Variants in KMT2C observed in about 807,000 individuals in gnomAD.
KMT2C encodes histone-lysine N-methyltransferase 2C.
Under a neutral mutation model 507.9 loss-of-function variants are expected in KMT2C, and 88 were observed. That is an observed-to-expected ratio of 0.17 (90% CI 0.15 to 0.21). The LOEUF is 0.21. KMT2C is among the 10% of genes least tolerant of loss of function. The pLI, the probability that KMT2C is intolerant of heterozygous loss-of-function variation, is 1.00. For synonymous variants in KMT2C, 2,049 were observed against 2,080.8 expected, an observed-to-expected ratio of 0.98 and a Z score of 0.42; for missense variants, 4,954 against 5,957.8, an observed-to-expected ratio of 0.83 and a Z score of 5.55.
At chr7:152,367,646 A>G in intron 1 of KMT2C, 1 of 1,426,354 alleles carries the variant, frequency 7.0e-7, no homozygotes, top group Non-Finnish European at 9.9e-7. Flanking sequence ...CCAAAGTTTT[A>G]ATCAAAGAAG....
chr7:152,287,804 A>T (rs979594109), intron 6 of KMT2C, among the ~76,000 whole-genome samples: 2 of 152,078 alleles, frequency 1.3e-5, no homozygotes, highest in Non-Finnish European at 2.9e-5. Flanking sequence ...TGGTTGGATC[A>T]CTTGAGGTCA....
rs376972380 is a variant in KMT2C, at chr7:152,427,008, T to G, written c.161+8618A>C. Reference sequence around the variant, plus strand: ...GAAAGAATATACTCCCCAGAGTTTTTTTTTGTTTTGTTTTGTTTTGTTTTT... The same window carrying G: ...GAAAGAATATACTCCCCAGAGTTTTGTTTTGTTTTGTTTTGTTTTGTTTTT... On this transcript the variant is annotated intron_variant, in intron 1 of 58. Coordinates refer to ENST00000262189, the MANE Select transcript of KMT2C (RefSeq NM_170606.3). Among the ~76,000 whole-genome samples the G allele has an allele frequency of 1.5e-3, 222 of 151,512 alleles. 2 individuals carry two copies. The highest frequency in any genetic ancestry group is 2.1e-3 in the African/African-American group (87 of 41,470).
intron 1 of KMT2C, among the ~76,000 whole-genome samples, chr7:152,370,224 A>G (rs954912014): frequency 6.6e-6 from 1 of 152,126 alleles, no homozygotes; most frequent in Admixed American, 6.5e-5. Flanking sequence ...ATAAAAGAGC[A>G]GTATGAACAA....
At chr7:152,158,585 G>A (rs2092247631) in intron 44 of KMT2C, among the ~76,000 whole-genome samples, 1 of 150,386 alleles carries the variant, frequency 6.6e-6, no homozygotes, top group Non-Finnish European at 1.5e-5. Context: ...GCACAATCTC[G>A]GCTCACTGCA....
intron 42 of KMT2C, 42 bp downstream of exon 42, chr7:152,167,104 A>T: frequency 6.8e-7 from 1 of 1,472,622 alleles, no homozygotes; most frequent in Non-Finnish European, 9.5e-7. Context: ...CATTCTACTC[A>T]TTAATTGTTG....
chr7:152,302,387 C>G (rs2096577450), intron 6 of KMT2C, among the ~76,000 whole-genome samples: 2 of 151,142 alleles, frequency 1.3e-5, no homozygotes, highest in Admixed American at 6.6e-5. Flanking sequence ...CCATGCCAAG[C>G]TAATTTTTGT....
intron 26 of KMT2C, among the ~76,000 whole-genome samples, chr7:152,200,865 G>A (rs2094115544): frequency 6.6e-6 from 1 of 152,142 alleles, no homozygotes; most frequent in Non-Finnish European, 1.5e-5. Flanking sequence ...TGTGAAGTCT[G>A]GTGGAGGCAA....
chr7:152,311,767 G>C (rs570808982), intron 5 of KMT2C, 31 bp downstream of exon 5: 3 of 1,502,738 alleles, frequency 2.0e-6, no homozygotes, highest in East Asian at 2.3e-5. Flanking sequence ...CCAGAATTAA[G>C]AGGCAGTCAT....
At position 152,159,037 on chromosome 7, in the gene KMT2C, T is replaced by C. The variant is rs2129101633; in HGVS notation, c.11496A>G (p.Gly3832=). 1.9e-6 allele frequency: 3 copies of C among 1,614,206 alleles called. No individual in the cohort carries two copies. Among genetic ancestry groups the C allele is most frequent in the Non-Finnish European group, 2.5e-6 (3 of 1,180,026 alleles). ...CTGTTTTTGGCAACTGGTTGCCACA[T>C]CCAAAACCACCTTGCATTTGAGCCC... ...TLGAQMQGGF[G]CGNQLPKTDG... The change falls in exon 44 of 59, where the codon GGA becomes GGG. Residue 3832 remains glycine (G), a synonymous_variant. Coordinates refer to ENST00000262189, the MANE Select transcript of KMT2C (RefSeq NM_170606.3).
intron 9 of KMT2C, among the ~76,000 whole-genome samples, chr7:152,255,128 T>TATATATACATATATATATATACAC (rs2095632697): frequency 2.4e-5 from 3 of 127,368 alleles, no homozygotes; most frequent in African/African-American, 9.1e-5. Context: ...TATATATATA[T>TATATATACATATATATATATACAC]ATATATATAT....
chr7:152,213,312 G>C (rs376371772), intron 23 of KMT2C, among the ~76,000 whole-genome samples: 1 of 152,178 alleles, frequency 6.6e-6, no homozygotes, highest in African/African-American at 2.4e-5. Context: ...CTGATTTCAA[G>C]TTATATTACA....
intron 9 of KMT2C, among the ~76,000 whole-genome samples, chr7:152,257,694 T>C (rs2095683748): frequency 6.6e-6 from 1 of 152,106 alleles, no homozygotes; most frequent in South Asian, 2.1e-4. Flanking sequence ...TGGTGTAAAT[T>C]CATTATTTCT....
chr7:152,262,240 T>C (rs975867845), intron 9 of KMT2C, among the ~76,000 whole-genome samples: 3 of 152,068 alleles, frequency 2.0e-5, no homozygotes, highest in Non-Finnish European at 4.4e-5. Flanking sequence ...AGAAGAGCAA[T>C]GACAATGCTG....
chr7:152,297,051 A>AAGAAAGAAAGAAAGAGAGAGAG (rs1356233143), intron 6 of KMT2C, among the ~76,000 whole-genome samples: 1 of 60,240 alleles, frequency 1.7e-5, no homozygotes, highest in Non-Finnish European at 3.3e-5. Flanking sequence ...GAAAGAAAGA[A>AAGAAAGAAAGAAAGAGAGAGAG]AGACAGAGAG....
At chr7:152,411,016 A>G (rs79890718) in intron 1 of KMT2C, among the ~76,000 whole-genome samples, 3 of 151,474 alleles carry the variant, frequency 2.0e-5, no homozygotes, top group African/African-American at 7.3e-5. Context: ...AAAAATATAT[A>G]TATGGTGTGT....
At chr7:152,234,542 C>T (rs181887278) in intron 16 of KMT2C, among the ~76,000 whole-genome samples, 1 of 152,160 alleles carries the variant, frequency 6.6e-6, no homozygotes, top group African/African-American at 2.4e-5. Context: ...GAATATACTT[C>T]CTGATTCATT....
chr7:152,290,122 C>G (rs112401453), intron 6 of KMT2C, among the ~76,000 whole-genome samples: 1 of 137,658 alleles, frequency 7.3e-6, no homozygotes, highest in African/African-American at 2.6e-5. Flanking sequence ...ACTCAGTGAA[C>G]CAATATTTTC....
At chr7:152,236,968 T>C (rs556776209) in intron 15 of KMT2C, among the ~76,000 whole-genome samples, 25 of 152,320 alleles carry the variant, frequency 1.6e-4, no homozygotes, top group Admixed American at 5.9e-4. Flanking sequence ...ATCTGACTTC[T>C]TACACAAGAA....
At position 152,346,882 on chromosome 7, in the gene KMT2C, T is replaced by G. The variant is rs368697560; in HGVS notation, c.250+11705A>C. 5.8e-4 allele frequency among the ~76,000 whole-genome samples: 89 copies of G among 152,282 alleles called. No individual in the cohort carries two copies. In the East Asian group the frequency reaches 0.012, roughly 20 times the overall value. ...TGGCTCACACCTGTAATCCCAGCACTCTGGGAGGCCGAGGCGGGCGGATCA... is the reference window on the plus strand; with the variant it reads ...TGGCTCACACCTGTAATCCCAGCACGCTGGGAGGCCGAGGCGGGCGGATCA... On this transcript the variant is annotated intron_variant, in intron 2 of 58. Coordinates refer to ENST00000262189, the MANE Select transcript of KMT2C (RefSeq NM_170606.3).
Sources: gnomAD v4.1 joint callset for allele counts (sites outside exome capture counted in the v4.1 genomes callset) on GRCh38, gnomAD v4.1.1 for gene constraint, MANE v1.5 for transcripts, NCBI Gene and HGNC (gene_info 2026-07-23, HGNC 2026-07-21) for gene names.